Variants in ELAVL1 observed in about 807,000 individuals in gnomAD.
ELAVL1 encodes ELAV like RNA binding protein 1.
In ELAVL1, 1 loss-of-function variant was observed where a neutral mutation model predicts 28.4. The observed-to-expected ratio is 0.04, with a 90% confidence interval of 0.01 to 0.17. ELAVL1 has a LOEUF of 0.17. ELAVL1 is among the 10% of genes least tolerant of loss of function. The pLI is 1.00. For missense variants in ELAVL1, 157 were observed against 447.2 expected, an observed-to-expected ratio of 0.35 and a Z score of 5.85; for synonymous variants, 174 against 183.5, an observed-to-expected ratio of 0.95 and a Z score of 0.42.
At chr19:7,984,429 C>T (rs1015337243) in intron 2 of ELAVL1, among the ~76,000 whole-genome samples, 2 of 152,214 alleles carry the variant, frequency 1.3e-5, no homozygotes, top group African/African-American at 4.8e-5. Flanking sequence ...GCCAAGTCTC[C>T]GAGGCAGAGA....
Position 7,972,800 on chromosome 19 carries a change from C to CTTTTTTTTT in ELAVL1, c.430+916_430+924dup, listed in dbSNP as rs386388490. 5 of 42,088 alleles carry CTTTTTTTTT rather than the reference C, an allele frequency of 1.2e-4. 1 individual carries two copies. The highest frequency in any genetic ancestry group is 7.0e-4 in the East Asian group (1 of 1,420). The allele number at this position is 42,088 out of a possible 1,614,324, so 2.6% of individuals were successfully genotyped here. ...CGCCACCGCACCTGGCTGCAGTATC[C>CTTTTTTTTT]TTTTTTTTTTTTTTTTTTTTTTTTT... On this transcript the variant is annotated intron_variant, in intron 4 of 5. Transcript: ENST00000407627.
At chr19:8,004,882 C>T (rs1371709328) in intron 1 of ELAVL1, among the ~76,000 whole-genome samples, 1 of 152,154 alleles carries the variant, frequency 6.6e-6, no homozygotes, top group Non-Finnish European at 1.5e-5. Context: ...CTTGTGTTTC[C>T]AACAGGCACA....
intron 5 of ELAVL1, among the ~76,000 whole-genome samples, chr19:7,964,144 T>C (rs1984887894): frequency 1.3e-5 from 2 of 151,890 alleles, no homozygotes; most frequent in African/African-American, 4.8e-5. Context: ...CCGTTGAAGG[T>C]AGAAATGCTC....
rs1028005835 is a variant in ELAVL1 at position 7,963,253 on chromosome 19, A to G, written c.*230T>C. ...TTCTACTTAGATTTCTGTTTAATAT[A>G]TATCTTAAAGGAAATAACTTACGAA... On this transcript the variant is annotated 3_prime_UTR_variant, in exon 6 of 6. Transcript: ENST00000407627. The surrounding 1 kb of genome is among the most constrained non-coding windows in gnomAD (Gnocchi z 4.5). 14 of 545,326 alleles carry G rather than the reference A, an allele frequency of 2.6e-5. No homozygotes were observed. The Admixed American group carries it at 4.2e-4, about 16-fold the overall frequency. The allele number at this position is 545,326 out of a possible 1,614,324, so 33.8% of individuals were successfully genotyped here. A position where few individuals can be genotyped will look rare whatever the true frequency, so the allele number is the denominator to read the frequency against.
intron 1 of ELAVL1, among the ~76,000 whole-genome samples, chr19:7,993,361 C>T (rs1052515786): frequency 3.3e-5 from 5 of 152,120 alleles, no homozygotes; most frequent in African/African-American, 1.2e-4. Flanking sequence ...TGAACCCCAC[C>T]CCTGGACACC....
At chr19:7,993,640 G>C (rs961293245) in intron 1 of ELAVL1, among the ~76,000 whole-genome samples, 1 of 152,028 alleles carries the variant, frequency 6.6e-6, no homozygotes, top group Non-Finnish European at 1.5e-5. Flanking sequence ...CCGCACACTG[G>C]GCTCACTTCT....
chr19:7,997,943 CCTG>C (rs1389074182), intron 1 of ELAVL1, among the ~76,000 whole-genome samples: 3 of 152,006 alleles, frequency 2.0e-5, no homozygotes, highest in Non-Finnish European at 4.4e-5. Context: ...AGAGTGAGAT[CCTG>C]CCTCAAAAAC....
At chr19:8,001,924 C>T (rs543320300) in intron 1 of ELAVL1, 3 of 571,470 alleles carry the variant, frequency 5.2e-6, no homozygotes, top group African/African-American at 3.9e-5. Context: ...GACCCTCAAG[C>T]GGTTCAGCCA....
In ELAVL1 at chr19:7,981,254, A is replaced by G. The variant is rs1985455118; in HGVS notation, c.173-68T>C. On this transcript the variant is annotated intron_variant, in intron 2 of 5. Transcript: ENST00000407627. This position sits in a 1 kb window ranked among gnomAD's most constrained non-coding sequence, Gnocchi z 4.2. ...CGAGTGAGGGACAGGGAGGTCGGGA[A>G]GCACTATATCTGCCTGGCCTTTGGG... 2 of 1,500,758 alleles carry G rather than the reference A, an allele frequency of 1.3e-6. No individual in the cohort carries two copies. The highest frequency in any genetic ancestry group is 2.8e-5 in the African/African-American group (2 of 72,636). The allele number at this position is 1,500,758 out of a possible 1,614,324, so 93.0% of individuals were successfully genotyped here. A position where few individuals can be genotyped will look rare whatever the true frequency, so the allele number is the denominator to read the frequency against.
At chr19:7,980,053 T>C (rs1028714943) in intron 3 of ELAVL1, among the ~76,000 whole-genome samples, 2 of 152,186 alleles carry the variant, frequency 1.3e-5, no homozygotes, top group African/African-American at 4.8e-5. Flanking sequence ...GGGTGCCTGA[T>C]GTGACTCAGG....
rs1341672357 is a variant in ELAVL1, at chr19:7,981,506, C to T, written c.173-320G>A. 6.6e-6 allele frequency among the ~76,000 whole-genome samples: 1 copy of T among 151,922 alleles called. No individual in the cohort carries two copies. Among genetic ancestry groups the T allele is most frequent in the Non-Finnish European group, 1.5e-5 (1 of 67,972 alleles). On this transcript the variant is annotated intron_variant, in intron 2 of 5. Coordinates refer to ENST00000407627, the MANE Select transcript of ELAVL1 (RefSeq NM_001419.3). The surrounding 1 kb of genome is among the most constrained non-coding windows in gnomAD (Gnocchi z 4.2). ...CAGAGTATCTGGGACTACAGGCCCG[C>T]TCCAGCAGGCCCAAGCTAATTGTTA...
chr19:7,973,509 C>T (rs1260714740), intron 4 of ELAVL1: 3 of 618,578 alleles, frequency 4.8e-6, no homozygotes, highest in Admixed American at 3.1e-5. Context: ...GGATTACAGG[C>T]GTGAGCCACC....
chr19:7,968,430 G>A (rs950780169), intron 4 of ELAVL1, among the ~76,000 whole-genome samples: 37 of 152,238 alleles, frequency 2.4e-4, no homozygotes, highest in Admixed American at 1.4e-3. Flanking sequence ...TCCACTCTAA[G>A]GTCCTACACC....
intron 4 of ELAVL1, among the ~76,000 whole-genome samples, chr19:7,969,539 G>C (rs559755077): frequency 6.6e-6 from 1 of 152,328 alleles, no homozygotes; most frequent in Admixed American, 6.5e-5. Context: ...TTTCTGAGCT[G>C]CTGCTCAGAA....
Position 7,963,530 on chromosome 19 carries a change from C to G in ELAVL1, c.934G>C (p.Asp312His). 1.9e-6 allele frequency: 3 copies of G among 1,613,314 alleles called. No homozygotes were observed. The highest frequency in any genetic ancestry group is 2.5e-6 in the Non-Finnish European group (3 of 1,179,266). The stretch of plus-strand genomic sequence containing the variant: ...TTGAAGGAAACCTGTAAGATTTTGT[C>G]CCCCAGGCGGTAGCCGTTCAGGCTG... ...IASLNGYRLG[D>H]KILQVSFKTN... The change falls in exon 6 of 6, where the codon GAC (aspartate) becomes CAC (histidine). Residue 312 changes from aspartate to histidine, a missense_variant. Coordinates refer to ENST00000407627, the MANE Select transcript of ELAVL1 (RefSeq NM_001419.3). This position sits in a 1 kb window ranked among gnomAD's most constrained non-coding sequence, Gnocchi z 4.5.
Position 7,967,764 on chromosome 19 carries a change from G to A in ELAVL1, c.457C>T (p.Arg153Trp), listed in dbSNP as rs1984994347. 6.2e-7 allele frequency: 1 copy of A among 1,614,022 alleles called. No individual in the cohort carries two copies. Among genetic ancestry groups the A allele is most frequent in the African/African-American group, 1.3e-5 (1 of 74,904 alleles). Reference sequence around the variant, plus strand: ...TCTGCCTCCGACCGTTTGTCAAACCGGATAAACGCAACCCCTCTGGACAAA... The same window carrying A: ...TCTGCCTCCGACCGTTTGTCAAACCAGATAAACGCAACCCCTCTGGACAAA... ...TGLSRGVAFI[R>W]FDKRSEAEEA... The change falls in exon 5 of 6, where the codon CGG (arginine) becomes TGG (tryptophan). Residue 153 changes from arginine (R) to tryptophan (W), a missense_variant. Around this residue, in one of 4 missense-constraint regions of ELAVL1, gnomAD observed 107 missense variants for 310.4 expected, o/e 0.34. Transcript: ENST00000407627.
intron 2 of ELAVL1, among the ~76,000 whole-genome samples, chr19:7,991,192 G>A (rs901263209): frequency 4.6e-5 from 7 of 152,158 alleles, no homozygotes; most frequent in Non-Finnish European, 7.3e-5. Context: ...CAAGGTCCTC[G>A]GTGTTCTGCT....
chr19:7,974,972 G>C (rs760954309), intron 3 of ELAVL1, among the ~76,000 whole-genome samples: 4 of 152,200 alleles, frequency 2.6e-5, no homozygotes, highest in African/African-American at 7.2e-5. Context: ...CCCACGAGGA[G>C]AGGAGTGTGG....
intron 1 of ELAVL1, among the ~76,000 whole-genome samples, chr19:8,005,011 T>A (rs768633468): frequency 2.6e-5 from 4 of 152,186 alleles, no homozygotes; most frequent in Non-Finnish European, 5.9e-5. Flanking sequence ...GTGTATCTAC[T>A]GAAGGGTTTG....
Sources: allele counts gnomAD v4.1 joint callset (sites outside exome capture counted in the v4.1 genomes callset), GRCh38; gene constraint gnomAD v4.1.1; regional missense constraint gnomAD v4.1.1; non-coding constraint Gnocchi (gnomAD v3.1); transcripts MANE v1.5; gene names NCBI Gene and HGNC (gene_info 2026-07-23, HGNC 2026-07-21).